The following DNAH6 variants were observed in gnomAD, a reference collection of about 807,000 sequenced individuals.
DNAH6 encodes the protein axonemal beta dynein heavy chain 6.
Under a neutral mutation model 491.4 loss-of-function variants are expected in DNAH6, and 340 were observed. The ratio of observed to expected loss-of-function variants is 0.69; its 90% CI spans 0.63 to 0.76. DNAH6 has a LOEUF of 0.76. DNAH6 is among the 30% of genes least tolerant of loss of function. DNAH6 has a pLI of 0.00. For synonymous variants in DNAH6, 1,603 were observed against 1,686.1 expected (o/e 0.95, Z 1.21); for missense variants, 4,443 against 4,972.2 (o/e 0.89, Z 3.20).
the DNAH6 span, among the ~76,000 whole-genome samples, chr2:84,469,285 C>T: frequency 6.6e-6 from 1 of 152,096 alleles, no homozygotes; most frequent in East Asian, 1.9e-4. This position sits in a 1 kb window ranked among gnomAD's most constrained non-coding sequence, Gnocchi z 4.0. Flanking sequence ...CCCTAGTGAT[C>T]CAGCTTGTTG....
intron 11 of DNAH6, among the ~76,000 whole-genome samples, chr2:84,567,222 T>G (rs1441813068): frequency 6.6e-6 from 1 of 152,110 alleles, no homozygotes; most frequent in Non-Finnish European, 1.5e-5. Context: ...GGCTAATATT[T>G]CCAATACTAG....
chr2:84,525,489 G>T, intron 2 of DNAH6, 76 bp from the exon 3 acceptor site: 1 of 1,398,526 alleles, frequency 7.2e-7, no homozygotes. Context: ...AGGAGAAAGA[G>T]TCCAAAGGTA....
chr2:84,707,009 A>G lies in DNAH6; in HGVS notation c.8841A>G (p.Lys2947=). 5.9e-6 allele frequency: 9 copies of G among 1,514,758 alleles called. No homozygotes were observed. The highest frequency in any genetic ancestry group is 7.9e-6 in the Non-Finnish European group (9 of 1,138,164). 93.8% of individuals were successfully genotyped at this position (1,514,758 alleles called of 1,614,324 possible). The change falls in exon 53 of 77, where the codon AAA becomes AAG. Residue 2947 remains lysine (K), a synonymous_variant. Transcript: ENST00000389394. The part of the protein sequence containing the change: ...QDEYDKGVNE[K]ESLAKTMALT... ...AATATGACAAAGGTGTAAATGAAAA[A>G]GAAAGCCTGGGTAAGTAACTCATAA... is the stretch of plus-strand genomic sequence containing the variant.
At chr2:84,654,836 CT>C in intron 35 of DNAH6, 54 bp downstream of exon 35, 1 of 1,537,274 alleles carries the variant, frequency 6.5e-7, no homozygotes, top group Non-Finnish European at 8.8e-7. Context: ...CTCATGTTGC[CT>C]TCTAGTGCAC....
At chr2:84,595,046 C>T (rs535648621) in intron 17 of DNAH6, among the ~76,000 whole-genome samples, 5 of 152,022 alleles carry the variant, frequency 3.3e-5, no homozygotes, top group African/African-American at 1.2e-4. Context: ...TGGCTTCCAC[C>T]GTAGGATGCA....
the DNAH6 span, among the ~76,000 whole-genome samples, chr2:84,497,405 T>A: frequency 6.6e-6 from 1 of 152,224 alleles, no homozygotes; most frequent in Non-Finnish European, 1.5e-5. Flanking sequence ...AAAGCTGCTA[T>A]GAAAATTCAC....
chr2:84,694,166 C>G (rs1239247708), intron 45 of DNAH6, 83 bp from the exon 46 acceptor site: 9 of 1,282,826 alleles, frequency 7.0e-6, no homozygotes, highest in South Asian at 6.7e-5. Flanking sequence ...CACTGGCCAC[C>G]AGCCTTTGGC....
At chr2:84,636,969 G>C (rs1410099864) in intron 30 of DNAH6, among the ~76,000 whole-genome samples, 1 of 152,116 alleles carries the variant, frequency 6.6e-6, no homozygotes, top group African/African-American at 2.4e-5. Flanking sequence ...GACTTGGCTA[G>C]GAAGGAAGAG....
chr2:84,789,932 A>T (rs1203748453), intron 68 of DNAH6, among the ~76,000 whole-genome samples: 1 of 152,240 alleles, frequency 6.6e-6, no homozygotes, highest in Non-Finnish European at 1.5e-5. Context: ...GACTGCATTG[A>T]CATGGTTAAA....
intron 70 of DNAH6, among the ~76,000 whole-genome samples, 178 bp from the exon 71 acceptor site, chr2:84,805,487 C>A (rs1440261160): frequency 6.6e-6 from 1 of 152,178 alleles, no homozygotes; most frequent in Non-Finnish European, 1.5e-5. Flanking sequence ...TAATTACTGT[C>A]TTAATTTGTT....
intron 33 of DNAH6, among the ~76,000 whole-genome samples, chr2:84,647,741 G>T (rs1322397696): frequency 1.3e-5 from 2 of 152,148 alleles, no homozygotes; most frequent in Non-Finnish European, 2.9e-5. Context: ...ACTTTGCCAT[G>T]AATTATCTTT....
intron 17 of DNAH6, 85 bp downstream of exon 17, chr2:84,594,170 C>A: frequency 1.5e-6 from 1 of 681,114 alleles, no homozygotes; most frequent in Non-Finnish European, 2.4e-6. Flanking sequence ...TAACTTTTAA[C>A]AATCTGGTGC....
intron 33 of DNAH6, among the ~76,000 whole-genome samples, chr2:84,651,953 C>CTT (rs1338398048): frequency 1.4e-5 from 2 of 144,688 alleles, no homozygotes; most frequent in African/African-American, 5.0e-5. Flanking sequence ...ATGCATGAGT[C>CTT]TTTTTTTTTT....
Position 84,813,051 on chromosome 2 carries a change from C to A in DNAH6, c.11926-7C>A, listed in dbSNP as rs554107136. The A allele has an allele frequency of 1.9e-5, 30 of 1,548,716 alleles. No homozygotes were observed. The Admixed American group carries it at 4.5e-4, about 23-fold the overall frequency. ...TAACGTTTATTATGAATATGTTTCT[C>A]CTTCAGCTGTGGCTCAAAAGAGGAC... On this transcript the variant is annotated splice_region_variant and splice_polypyrimidine_tract_variant and intron_variant, in intron 73 of 76. Transcript: ENST00000389394.
At chr2:84,656,264 A>C (rs924082142) in intron 35 of DNAH6, among the ~76,000 whole-genome samples, 1 of 152,156 alleles carries the variant, frequency 6.6e-6, no homozygotes, top group Non-Finnish European at 1.5e-5. Flanking sequence ...ATTAATGTGC[A>C]GGTTTTTGTG....
rs899449797 is a variant in DNAH6, at chr2:84,727,817, T to C, written c.10121T>C (p.Leu3374Pro). 1.4e-5 allele frequency: 22 copies of C among 1,552,078 alleles called. No individual in the cohort carries two copies. Among genetic ancestry groups the C allele is most frequent in the Non-Finnish European group, 1.9e-5 (22 of 1,147,030 alleles). ...CATAAACTCATCTACAGCTTTATGC[T>C]TTGTGTTGAGATGATGCGTCAGCAA... ...EQHKLIYSFMLCVEMMRQQGT... is the reference protein window; with the variant it reads ...EQHKLIYSFMPCVEMMRQQGT... The change falls in exon 61 of 77, where the codon CTT becomes CCT. Residue 3374 changes from leucine (L) to proline (P), a missense_variant. By Grantham distance (98) the Leu-to-Pro change is moderately conservative. Around this residue, in one of 3 missense-constraint regions of DNAH6, gnomAD observed 1,463 missense variants for 1,656.6 expected, o/e 0.88. Coordinates refer to ENST00000389394, the MANE Select transcript of DNAH6 (RefSeq NM_001370.2).
intron 12 of DNAH6, among the ~76,000 whole-genome samples, chr2:84,573,895 G>A (rs990815602): frequency 1.3e-5 from 2 of 152,164 alleles, no homozygotes; most frequent in East Asian, 3.8e-4. Context: ...GTTGTTGAAA[G>A]GAATGGATAC....
chr2:84,545,999 C>T (rs918600403), intron 5 of DNAH6, among the ~76,000 whole-genome samples: 5 of 152,074 alleles, frequency 3.3e-5, no homozygotes, highest in African/African-American at 1.2e-4. Context: ...CCACCATTAC[C>T]ACAGTCAATT....
At chr2:84,515,592 A>G (rs1218462468), upstream of DNAH6, among the ~76,000 whole-genome samples, 3 of 152,368 alleles carry the variant, frequency 2.0e-5, no homozygotes, top group East Asian at 5.8e-4. Flanking sequence ...ATATCAAGGT[A>G]ACAAAGAGCA....
Sources: gnomAD v4.1 joint callset for allele counts (sites outside exome capture counted in the v4.1 genomes callset) on GRCh38, gnomAD v4.1.1 for gene constraint, gnomAD v4.1.1 regional missense constraint, Gnocchi (gnomAD v3.1) non-coding constraint, MANE v1.5 for transcripts, NCBI Gene and HGNC (gene_info 2026-07-23, HGNC 2026-07-21) for gene names.